Variants in LYPD6 observed in about 807,000 individuals in gnomAD.
LYPD6 encodes ly6/PLAUR domain-containing protein 6.
Under a neutral mutation model 22.7 loss-of-function variants are expected in LYPD6, and 15 were observed. The ratio of observed to expected loss-of-function variants is 0.66; its 90% CI spans 0.44 to 1.02. The LOEUF (loss-of-function observed/expected upper bound fraction) is 1.02, where lower values mean the gene tolerates loss of function less well. Ranked by LOEUF, LYPD6 falls within the 50% of genes least tolerant of loss-of-function variation. The pLI, the probability that LYPD6 is intolerant of heterozygous loss-of-function variation, is 0.00. For synonymous variants in LYPD6, 72 were observed against 77.5 expected (o/e 0.93, Z 0.37); for missense variants, 189 against 208.4 (o/e 0.91, Z 0.57).
chr2:149,334,893 G>T (rs563879619), intron 1 of LYPD6, among the ~76,000 whole-genome samples: 1 of 152,182 alleles, frequency 6.6e-6, no homozygotes, highest in East Asian at 1.9e-4. Context: ...GAGTATAGTG[G>T]AGCTGAAAAA....
chr2:149,444,796 C>G (rs1683649097), intron 2 of LYPD6, among the ~76,000 whole-genome samples: 6 of 152,134 alleles, frequency 3.9e-5, no homozygotes, highest in Admixed American at 3.9e-4. Flanking sequence ...CAGTTACTTT[C>G]TCTGTTGAAA....
intron 1 of LYPD6, among the ~76,000 whole-genome samples, chr2:149,370,852 C>T (rs1223580332): frequency 1.3e-5 from 2 of 152,094 alleles, no homozygotes; most frequent in African/African-American, 4.8e-5. Context: ...CCCTGCTACT[C>T]AGGAGGGTGA....
At chr2:149,408,099 G>T (rs1682764872) in intron 1 of LYPD6, among the ~76,000 whole-genome samples, 1 of 152,132 alleles carries the variant, frequency 6.6e-6, no homozygotes, top group Admixed American at 6.5e-5. Flanking sequence ...TAGAAGTTTT[G>T]TCTCAGAGGA....
chr2:149,381,570 T>G (rs1682064966), intron 1 of LYPD6, among the ~76,000 whole-genome samples: 1 of 152,166 alleles, frequency 6.6e-6, no homozygotes. Context: ...AGAGTGATGC[T>G]TGGGTAGAAA....
chr2:149,365,697 A>G (rs1245854582), intron 1 of LYPD6, among the ~76,000 whole-genome samples: 3 of 151,938 alleles, frequency 2.0e-5, no homozygotes, highest in East Asian at 3.8e-4. Context: ...AAAATTAAAT[A>G]TTAAACTGAT....
intron 1 of LYPD6, among the ~76,000 whole-genome samples, chr2:149,334,245 G>A (rs1191485353): frequency 6.6e-6 from 1 of 151,994 alleles, no homozygotes; most frequent in Non-Finnish European, 1.5e-5. Context: ...AACCAAAAGT[G>A]AATTTGTTAA....
chr2:149,369,594 G>A (rs1376538957), intron 1 of LYPD6, among the ~76,000 whole-genome samples: 1 of 152,094 alleles, frequency 6.6e-6, no homozygotes, highest in Non-Finnish European at 1.5e-5. Flanking sequence ...TCAGCCCTTA[G>A]AGAAAGAAGG....
chr2:149,330,606 C>A lies in LYPD6; in HGVS notation c.-188C>A, dbSNP rs1680916221. On this transcript the variant is annotated 5_prime_UTR_variant, in exon 1 of 5. Transcript: ENST00000334166. ...CGCTCCCTCGCTCCTTCCCTGAGCT[C>A]CCGGGCTCCGGCAGCGGGCTGGCGG... is the stretch of plus-strand genomic sequence containing the variant. The A allele has an allele frequency of 6.6e-6, 1 of 151,530 alleles. No individual in the cohort carries two copies. The highest frequency in any genetic ancestry group is 6.6e-5 in the Admixed American group (1 of 15,218). The allele number at this position is 151,530 out of a possible 1,614,324, so 9.4% of individuals were successfully genotyped here.
At chr2:149,404,854 G>T (rs1292828876) in intron 1 of LYPD6, among the ~76,000 whole-genome samples, 1 of 152,152 alleles carries the variant, frequency 6.6e-6, no homozygotes, top group Admixed American at 6.5e-5. Context: ...CATTCAGTAT[G>T]ATATTGGCTG....
At chr2:149,433,556 T>A (rs970936035) in intron 1 of LYPD6, among the ~76,000 whole-genome samples, 2 of 152,230 alleles carry the variant, frequency 1.3e-5, no homozygotes, top group Non-Finnish European at 2.9e-5. Context: ...TGAGGCACCC[T>A]GCTTGTTATG....
At chr2:149,424,565 G>T (rs1559147568) in intron 1 of LYPD6, among the ~76,000 whole-genome samples, 1 of 152,176 alleles carries the variant, frequency 6.6e-6, no homozygotes, top group Non-Finnish European at 1.5e-5. Context: ...CCTTAGATAG[G>T]TAGAGGCCAA....
At chr2:149,349,155 T>A (rs1338459751) in intron 1 of LYPD6, among the ~76,000 whole-genome samples, 1 of 152,124 alleles carries the variant, frequency 6.6e-6, no homozygotes, top group Non-Finnish European at 1.5e-5. Flanking sequence ...GTTGGGAATA[T>A]GAATATTAAT....
At chr2:149,376,815 A>G (rs1681932679) in intron 1 of LYPD6, among the ~76,000 whole-genome samples, 1 of 152,222 alleles carries the variant, frequency 6.6e-6, no homozygotes, top group South Asian at 2.1e-4. Flanking sequence ...CTCACATGTA[A>G]CCATTGCTAC....
intron 1 of LYPD6, among the ~76,000 whole-genome samples, chr2:149,397,879 C>T (rs916601821): frequency 1.4e-4 from 22 of 152,074 alleles, no homozygotes; most frequent in African/African-American, 5.3e-4. Context: ...CACTTATTAA[C>T]AGACCTTTGG....
At chr2:149,478,406 ACG>A (rs369645752), downstream of LYPD6, among the ~76,000 whole-genome samples, 17 of 105,728 alleles carry the variant, frequency 1.6e-4, no homozygotes, top group African/African-American at 7.5e-4. Flanking sequence ...GTGTGCGCGC[ACG>A]CATGTGTGGT....
chr2:149,446,447 A>G (rs1683690065), intron 2 of LYPD6, among the ~76,000 whole-genome samples: 1 of 152,234 alleles, frequency 6.6e-6, no homozygotes, highest in Non-Finnish European at 1.5e-5. Context: ...ACCTGCCCTT[A>G]CCAAAATAGA....
chr2:149,359,240 CAG>C (rs1241486133), intron 1 of LYPD6, among the ~76,000 whole-genome samples: 1 of 152,134 alleles, frequency 6.6e-6, no homozygotes, highest in Non-Finnish European at 1.5e-5. Flanking sequence ...TTTCATGACT[CAG>C]AGCTTTTCTG....
chr2:149,427,104 T>C (rs1054474328), intron 1 of LYPD6, among the ~76,000 whole-genome samples: 4 of 152,214 alleles, frequency 2.6e-5, no homozygotes, highest in African/African-American at 9.6e-5. Context: ...TGACTACCTC[T>C]ATATAGTGCC....
At chr2:149,480,573 G>T in the LYPD6 span, among the ~76,000 whole-genome samples, 97 of 152,214 alleles carry the variant, frequency 6.4e-4, no homozygotes, top group African/African-American at 2.2e-3. Context: ...CCTGTGTGTG[G>T]GGGGGTGTTT....
Sources: gnomAD v4.1 joint callset for allele counts (sites outside exome capture counted in the v4.1 genomes callset) on GRCh38, gnomAD v4.1.1 for gene constraint, MANE v1.5 for transcripts, NCBI Gene and HGNC (gene_info 2026-07-23, HGNC 2026-07-21) for gene names.